The following NCOA2 variants were observed in gnomAD, a reference collection of about 807,000 sequenced individuals.
NCOA2 encodes nuclear receptor coactivator 2, also known as class E basic helix-loop-helix protein 75.
Under a neutral mutation model 145.1 loss-of-function variants are expected in NCOA2, and 21 were observed. The ratio of observed to expected loss-of-function variants is 0.14; its 90% confidence interval spans 0.10 to 0.21. The LOEUF (loss-of-function observed/expected upper bound fraction) is 0.21, where lower values mean the gene tolerates loss of function less well. NCOA2 is among the 10% of genes least tolerant of loss of function. NCOA2 has a pLI of 1.00. For missense variants in NCOA2, 1,472 were observed against 1,837.6 expected, an observed-to-expected ratio of 0.80 and a Z score of 3.64; for synonymous variants, 619 against 637.5, an observed-to-expected ratio of 0.97 and a Z score of 0.44.
At chr8:70,216,847 G>C in intron 2 of NCOA2, 83 bp from the exon 3 acceptor site, 1 of 849,390 alleles carries the variant, frequency 1.2e-6, no homozygotes, top group East Asian at 2.4e-5. Context: ...AACAATAAAA[G>C]AATTTTGACT....
At chr8:70,351,073 TAACA>T (rs935962340) in intron 1 of NCOA2, among the ~76,000 whole-genome samples, 2 of 152,154 alleles carry the variant, frequency 1.3e-5, no homozygotes, top group Admixed American at 6.6e-5. Context: ...ATTGTTGCAA[TAACA>T]AACCCACTCC....
chr8:70,427,606 T>C, the NCOA2 span, among the ~76,000 whole-genome samples: 1 of 152,154 alleles, frequency 6.6e-6, no homozygotes, highest in African/African-American at 2.4e-5. Context: ...CCTTACAAAG[T>C]GTCTTAATGT....
intron 2 of NCOA2, chr8:70,273,860 G>T: frequency 1.8e-6 from 1 of 548,748 alleles, no homozygotes; most frequent in South Asian, 1.4e-5. Context: ...CAACTTCAGT[G>T]ACTCAACTTC....
rs1812723685 is a variant in NCOA2, at chr8:70,159,617, G to A, written c.1012C>T (p.Arg338Cys). ...AGAGTGCCATCAGACAAGGAAAAACGATAGATTTGACTGAATGCCAATCCT... is the reference window on the plus strand; with the variant it reads ...AGAGTGCCATCAGACAAGGAAAAACAATAGATTTGACTGAATGCCAATCCT... The part of the protein sequence containing the change: ...RQGLAFSQIY[R>C]FSLSDGTLVA... Residue 338 changes from arginine to cysteine, a missense_variant, in exon 10 of 23, where the codon CGT becomes TGT. Arg to Cys is a radical substitution (Grantham distance 180, BLOSUM62 -3). Transcript: ENST00000452400. The A allele has an allele frequency of 1.2e-6, 2 of 1,612,670 alleles. No individual in the cohort carries two copies. The highest frequency in any genetic ancestry group is 1.7e-6 in the Non-Finnish European group (2 of 1,178,868).
intron 2 of NCOA2, among the ~76,000 whole-genome samples, chr8:70,217,407 T>G (rs1042391260): frequency 2.0e-5 from 3 of 152,106 alleles, no homozygotes; most frequent in Non-Finnish European, 4.4e-5. Flanking sequence ...CCTCCATCGG[T>G]GCCCTCTCTC....
the NCOA2 span, among the ~76,000 whole-genome samples, chr8:70,410,339 C>G: frequency 6.6e-6 from 1 of 152,138 alleles, no homozygotes; most frequent in Non-Finnish European, 1.5e-5. Flanking sequence ...GTTAAGTATA[C>G]ACAATTCTAC....
At chr8:70,148,505 G>C (rs780341443) in intron 11 of NCOA2, 22 bp from the exon 12 acceptor site, 5 of 1,607,500 alleles carry the variant, frequency 3.1e-6, no homozygotes, top group Non-Finnish European at 4.3e-6. Context: ...AAACAGAAGA[G>C]TTTATCCAGT....
chr8:70,218,199 GTTT>G (rs34322124), intron 2 of NCOA2, among the ~76,000 whole-genome samples: 1 of 133,880 alleles, frequency 7.5e-6, no homozygotes, highest in Admixed American at 7.5e-5. Flanking sequence ...AGTGGAGTTA[GTTT>G]TTTTTTTTTT....
At chr8:70,253,595 C>T (rs1363687103) in intron 2 of NCOA2, among the ~76,000 whole-genome samples, 1 of 151,892 alleles carries the variant, frequency 6.6e-6, no homozygotes, top group East Asian at 1.9e-4. Context: ...ACAAAAAAAC[C>T]TCTCACATAT....
At chr8:70,142,248 T>C (rs1810522862) in intron 13 of NCOA2, among the ~76,000 whole-genome samples, 1 of 152,252 alleles carries the variant, frequency 6.6e-6, no homozygotes, top group Non-Finnish European at 1.5e-5. Flanking sequence ...ATGAAGGTTC[T>C]GCTTTCAAAT....
In NCOA2 at chr8:70,156,862, T is replaced by C; in HGVS notation, c.1503A>G (p.Arg501=). ...CAGGGGAAAACTGACTGGGTGGGATTCGAGGGCTGCCAGCCACTCCAGGGC... is the reference window on the plus strand; with the variant it reads ...CAGGGGAAAACTGACTGGGTGGGATCCGAGGGCTGCCAGCCACTCCAGGGC... ...RMSPGVAGSP[R]IPPSQFSPAG... The change falls in exon 11 of 23, where the codon CGA becomes CGG. Residue 501 remains arginine (R), a synonymous_variant. Transcript: ENST00000452400. 1 of 1,613,958 alleles carries C rather than the reference T, an allele frequency of 6.2e-7. No individual in the cohort carries two copies. The highest frequency in any genetic ancestry group is 8.5e-7 in the Non-Finnish European group (1 of 1,179,870).
chr8:70,159,419 C>T (rs1812708917), intron 10 of NCOA2, 86 bp downstream of exon 10: 1 of 1,234,122 alleles, frequency 8.1e-7, no homozygotes, highest in African/African-American at 1.5e-5. Context: ...TCTAACAAAT[C>T]CTCAAAGCTC....
At chr8:70,346,906 A>G (rs915108812) in intron 1 of NCOA2, among the ~76,000 whole-genome samples, 1 of 152,198 alleles carries the variant, frequency 6.6e-6, no homozygotes, top group Non-Finnish European at 1.5e-5. Flanking sequence ...AGGCTAATGG[A>G]CAGGTTAATC....
chr8:70,410,710 G>A, the NCOA2 span, among the ~76,000 whole-genome samples: 7 of 152,278 alleles, frequency 4.6e-5, no homozygotes, highest in African/African-American at 1.7e-4. Flanking sequence ...TCGTACAATG[G>A]AATAGTACTC....
rs1207502484 is a variant in NCOA2 at position 70,110,731 on chromosome 8, AAG to A, written c.*2899_*2900del. ...ATTGCTTTCAATTATTACAGGCCAT[AAG>A]AGATACACATAGGGGGAGGGGCATT... On this transcript the variant is annotated 3_prime_UTR_variant, in exon 23 of 23. Transcript: ENST00000452400. 9.0e-6 allele frequency: 2 copies of A among 221,750 alleles called. No homozygotes were observed. The highest frequency in any genetic ancestry group is 1.8e-5 in the Non-Finnish European group (2 of 110,910). 13.7% of individuals were successfully genotyped at this position (221,750 alleles called of 1,614,324 possible).
intron 1 of NCOA2, among the ~76,000 whole-genome samples, chr8:70,324,911 A>G (rs369777470): frequency 3.3e-5 from 5 of 152,184 alleles, no homozygotes; most frequent in East Asian, 3.8e-4. Context: ...TGAAAAATAG[A>G]AAAAAAGCAT....
intron 4 of NCOA2, among the ~76,000 whole-genome samples, chr8:70,183,067 TA>T (rs2133037352): frequency 6.6e-6 from 1 of 152,252 alleles, no homozygotes; most frequent in Admixed American, 6.5e-5. Context: ...GAAGGCAAAA[TA>T]AAATATAAAA....
the NCOA2 span, among the ~76,000 whole-genome samples, chr8:70,445,558 C>T: frequency 6.6e-6 from 1 of 152,134 alleles, no homozygotes; most frequent in Non-Finnish European, 1.5e-5. Context: ...TTTTCTGGGC[C>T]TTTTATCCTT....
chr8:70,201,843 A>T (rs1485172812), intron 4 of NCOA2, among the ~76,000 whole-genome samples: 1 of 152,198 alleles, frequency 6.6e-6, no homozygotes, highest in Non-Finnish European at 1.5e-5. Context: ...AAATGTCCAG[A>T]AAGGAGATGT....
Sources: gnomAD v4.1 joint callset for allele counts (sites outside exome capture counted in the v4.1 genomes callset) on GRCh38, gnomAD v4.1.1 for gene constraint, MANE v1.5 for transcripts, NCBI Gene and HGNC (gene_info 2026-07-23, HGNC 2026-07-21) for gene names.